Variants in FHIP2A observed in about 807,000 individuals in gnomAD.
FHIP2A encodes the protein FHF complex subunit HOOK interacting protein 2A, also known as family with sequence similarity 160 member B1.
Under a neutral mutation model 93.5 loss-of-function variants are expected in FHIP2A, and 46 were observed. That is an observed-to-expected ratio of 0.49 (90% CI 0.39 to 0.63). The LOEUF (loss-of-function observed/expected upper bound fraction) is 0.63, where lower values mean the gene tolerates loss of function less well. Among genes scored for constraint, FHIP2A ranks in the 20% least tolerant of loss-of-function variants. The pLI is 0.00. For missense variants in FHIP2A, 769 were observed against 909.7 expected (o/e 0.85, Z 1.99); for synonymous variants, 332 against 326.5 (o/e 1.02, Z -0.18).
At chr10:114,884,063 C>A (rs1269666391) in intron 16 of FHIP2A, among the ~76,000 whole-genome samples, 1 of 152,130 alleles carries the variant, frequency 6.6e-6, no homozygotes, top group Non-Finnish European at 1.5e-5. Context: ...GAATTTACGA[C>A]CTGCCCTATC....
intron 7 of FHIP2A, among the ~76,000 whole-genome samples, chr10:114,844,321 C>T (rs1223786361): frequency 6.6e-6 from 1 of 152,136 alleles, no homozygotes; most frequent in Non-Finnish European, 1.5e-5. Context: ...TCTCTTCTAC[C>T]TCATTCTTTC....
Position 114,822,078 on chromosome 10 carries a change from G to T in FHIP2A, c.-1G>T. 2 of 1,339,432 alleles carry T rather than the reference G, an allele frequency of 1.5e-6. No homozygotes were observed. The highest frequency in any genetic ancestry group is 3.6e-5 in the South Asian group (2 of 54,936). The allele number at this position is 1,339,432 out of a possible 1,614,324, so 83.0% of individuals were successfully genotyped here. ...AGAGGCTGCTGCAGTCCCGGGACAG[G>T]ATGTTCTCCAAGTTCACCTCCATCC... On this transcript the variant is annotated 5_prime_UTR_variant, in exon 1 of 17. Coordinates refer to ENST00000369248, the MANE Select transcript of FHIP2A (RefSeq NM_020940.4).
At chr10:114,851,713 G>T (rs1306757416) in intron 13 of FHIP2A, among the ~76,000 whole-genome samples, 12 of 19,808 alleles carry the variant, frequency 6.1e-4, no homozygotes, top group Non-Finnish European at 1.0e-3. Context: ...GTCCATTTCT[G>T]CAAAAAAAAA....
intron 1 of FHIP2A, among the ~76,000 whole-genome samples, chr10:114,828,997 G>A (rs909636104): frequency 1.3e-5 from 2 of 152,166 alleles, no homozygotes; most frequent in Non-Finnish European, 2.9e-5. Flanking sequence ...AAATTGTTTC[G>A]ACAGGGTTGC....
Position 114,891,230 on chromosome 10 carries a change from A to T in FHIP2A, c.2193-8260A>T, listed in dbSNP as rs10885624. Among the ~76,000 whole-genome samples, 9 of 140,312 alleles carry T rather than the reference A, an allele frequency of 6.4e-5. No homozygotes were observed. In the South Asian group the frequency reaches 1.4e-3, roughly 22 times the overall value. The allele number at this position is 140,312 out of a possible 152,430, so 92.1% of individuals were successfully genotyped here. Reference sequence around the variant, plus strand: ...CAACAACAACAACAAATATATATATATATATATATATGCATATAGAAGTGT... The same window carrying T: ...CAACAACAACAACAAATATATATATTTATATATATATGCATATAGAAGTGT... On this transcript the variant is annotated intron_variant, in intron 16 of 16. Transcript: ENST00000369250.
Position 114,864,716 on chromosome 10 carries a change from A to C in FHIP2A, c.*3176A>C, listed in dbSNP as rs934148835. On this transcript the variant is annotated 3_prime_UTR_variant, in exon 17 of 17. Transcript: ENST00000369248. Reference sequence around the variant, plus strand: ...AAAATAAATAATGTAATTTAAACAAAACGTCTTATGTTTTTGTAAAATTCT... The same window carrying C: ...AAAATAAATAATGTAATTTAAACAACACGTCTTATGTTTTTGTAAAATTCT... 1.0e-6 allele frequency: 1 copy of C among 978,920 alleles called. No homozygotes were observed. The highest frequency in any genetic ancestry group is 1.7e-5 in the African/African-American group (1 of 57,226). The allele number at this position is 978,920 out of a possible 1,614,324, so 60.6% of individuals were successfully genotyped here. A position where few individuals can be genotyped will look rare whatever the true frequency, so the allele number is the denominator to read the frequency against.
At chr10:114,853,269 AAG>A (rs1439480407) in intron 13 of FHIP2A, among the ~76,000 whole-genome samples, 5 of 152,360 alleles carry the variant, frequency 3.3e-5, no homozygotes, top group African/African-American at 1.2e-4. Flanking sequence ...CAAAATTTGA[AAG>A]AGAATTTTAA....
intron 16 of FHIP2A, among the ~76,000 whole-genome samples, chr10:114,897,730 C>T (rs532649593): frequency 5.3e-5 from 8 of 152,206 alleles, no homozygotes; most frequent in Admixed American, 5.2e-4. Context: ...GGCAACATGG[C>T]AAAACGCTGT....
At chr10:114,847,514 C>T (rs565470646) in intron 12 of FHIP2A, among the ~76,000 whole-genome samples, 8 of 152,212 alleles carry the variant, frequency 5.3e-5, no homozygotes, top group Non-Finnish European at 1.0e-4. Context: ...GTCTCAAACT[C>T]CTGACCTCAA....
At chr10:114,873,234 TG>T (rs2083867811) in intron 16 of FHIP2A, among the ~76,000 whole-genome samples, 1 of 152,184 alleles carries the variant, frequency 6.6e-6, no homozygotes, top group Non-Finnish European at 1.5e-5. Context: ...TGAGGAGTAT[TG>T]GTTGGGTATT....
At position 114,835,644 on chromosome 10, in the gene FHIP2A, AT is replaced by A; in HGVS notation, c.399+7del. 2 of 1,499,208 alleles carry A rather than the reference AT, an allele frequency of 1.3e-6. No individual in the cohort carries two copies. The highest frequency in any genetic ancestry group is 1.8e-6 in the Non-Finnish European group (2 of 1,096,764). The allele number at this position is 1,499,208 out of a possible 1,614,324, so 92.9% of individuals were successfully genotyped here. On this transcript the variant is annotated splice_donor_region_variant and intron_variant, in intron 4 of 16. Coordinates refer to ENST00000369248, the MANE Select transcript of FHIP2A (RefSeq NM_020940.4). ...TTAACGTGCACAGGCCAGTGCAGGT[AT>A]TTTGTTCCCCCTACATAAAATCATT...
intron 16 of FHIP2A, among the ~76,000 whole-genome samples, chr10:114,897,502 C>T (rs1340131324): frequency 6.6e-6 from 1 of 152,130 alleles, no homozygotes; most frequent in Non-Finnish European, 1.5e-5. Flanking sequence ...ATAAGCATTT[C>T]AAACAGTATA....
At chr10:114,848,883 C>A in intron 13 of FHIP2A, 146 bp downstream of exon 13, 3 of 597,144 alleles carry the variant, frequency 5.0e-6, no homozygotes, top group Non-Finnish European at 8.9e-6. Context: ...TGTCTCACAC[C>A]TGTAATCCCA....
intron 14 of FHIP2A, among the ~76,000 whole-genome samples, chr10:114,856,767 G>C (rs2083769418): frequency 6.6e-6 from 1 of 152,168 alleles, no homozygotes; most frequent in Admixed American, 6.5e-5. Context: ...AATTTCACCA[G>C]ATAGCACTTC....
At chr10:114,859,890 G>A (rs2083787681) in intron 14 of FHIP2A, among the ~76,000 whole-genome samples, 1 of 152,152 alleles carries the variant, frequency 6.6e-6, no homozygotes, top group African/African-American at 2.4e-5. Context: ...TTGAGGCATA[G>A]GGTCGTCATC....
chr10:114,849,237 G>A (rs1460587160), intron 13 of FHIP2A, among the ~76,000 whole-genome samples: 1 of 150,164 alleles, frequency 6.7e-6, no homozygotes, highest in African/African-American at 2.4e-5. Flanking sequence ...TCCATCTCAA[G>A]ATTTCTTTGT....
intron 16 of FHIP2A, among the ~76,000 whole-genome samples, chr10:114,890,788 T>C (rs2083968605): frequency 6.8e-6 from 1 of 146,834 alleles, no homozygotes; most frequent in South Asian, 2.1e-4. Context: ...ATATGACATA[T>C]ATTATATATG....
intron 16 of FHIP2A, among the ~76,000 whole-genome samples, chr10:114,884,459 C>G (rs906879233): frequency 1.4e-4 from 22 of 152,258 alleles, no homozygotes; most frequent in African/African-American, 5.3e-4. Context: ...ATTCTCTGAA[C>G]CTCTTTCTTC....
Position 114,843,830 on chromosome 10 carries a change from CA to C in FHIP2A, c.907del (p.Thr303LeufsTer7). ...CGGCTGCAAAGTGCCTTACACAGAG[CA>C]CTTGCTTGTGTGAACTACTGACAGA... is the stretch of plus-strand genomic sequence containing the variant. ...PAAAKCLTQSTCLCELLTDRL... is the reference protein window; with the variant it reads ...PAAAKCLTQSXCLCELLTDRL... On this transcript the variant is annotated frameshift_variant, in exon 7 of 17. Transcript: ENST00000369248. LOFTEE classifies it high-confidence loss of function. 1 of 1,611,932 alleles carries C rather than the reference CA, an allele frequency of 6.2e-7. No homozygotes were observed. Among genetic ancestry groups the C allele is most frequent in the Non-Finnish European group, 8.5e-7 (1 of 1,179,498 alleles).
Sources: gnomAD v4.1 joint callset for allele counts (sites outside exome capture counted in the v4.1 genomes callset) on GRCh38, gnomAD v4.1.1 for gene constraint, MANE v1.5 for transcripts, NCBI Gene and HGNC (gene_info 2026-07-23, HGNC 2026-07-21) for gene names.